PHF21B: variants seen among roughly 807,000 people sequenced by gnomAD.
The protein encoded by PHF21B is PHD finger protein 4.
Under a neutral mutation model 62.2 loss-of-function variants are expected in PHF21B, and 22 were observed. The observed-to-expected ratio is 0.35, with a 90% CI of 0.25 to 0.51. PHF21B has a LOEUF of 0.51. Ranked by LOEUF, PHF21B falls within the 20% of genes least tolerant of loss-of-function variation. PHF21B has a pLI of 0.97. For missense variants in PHF21B, 701 were observed against 707.9 expected (o/e 0.99, Z 0.11); for synonymous variants, 341 against 314.7 (o/e 1.08, Z -0.88).
At chr22:44,994,484 G>A (rs533903597) in intron 2 of PHF21B, among the ~76,000 whole-genome samples, 41 of 152,378 alleles carry the variant, frequency 2.7e-4, no homozygotes, top group Middle Eastern at 6.8e-3. Context: ...TCCGGAGGGA[G>A]TGCGGCCCTG....
intron 4 of PHF21B, among the ~76,000 whole-genome samples, chr22:44,914,436 T>C (rs1274824938): frequency 6.6e-6 from 1 of 152,134 alleles, no homozygotes; most frequent in Non-Finnish European, 1.5e-5. Context: ...TGGCCACACC[T>C]CTCCCCAGGG....
intron 6 of PHF21B, among the ~76,000 whole-genome samples, chr22:44,894,581 C>T (rs1163372832): frequency 6.6e-6 from 1 of 152,202 alleles, no homozygotes; most frequent in East Asian, 1.9e-4. Flanking sequence ...AAGCTCACAC[C>T]ATCAGGCGGG....
intron 2 of PHF21B, among the ~76,000 whole-genome samples, chr22:44,962,689 C>A (rs943128276): frequency 1.3e-5 from 2 of 152,192 alleles, no homozygotes; most frequent in African/African-American, 4.8e-5. Flanking sequence ...CAAGCTGGGT[C>A]CCATATAACC....
chr22:44,902,258 G>A lies in PHF21B; in HGVS notation c.832-6175C>T, dbSNP rs114537321. On this transcript the variant is annotated intron_variant, in intron 5 of 12. Coordinates refer to ENST00000313237, the MANE Select transcript of PHF21B (RefSeq NM_138415.5). ...CAGACACCAGAAAGGTGAGCTCTTCGACACACAAACAGAGAAGTACAAGAT... is the reference window on the plus strand; with the variant it reads ...CAGACACCAGAAAGGTGAGCTCTTCAACACACAAACAGAGAAGTACAAGAT... The A allele has an allele frequency of 3.4e-3, 793 of 231,018 alleles. 5 individuals carry two copies. The highest frequency in any genetic ancestry group is 0.016 in the African/African-American group (708 of 43,104). 14.3% of individuals were successfully genotyped at this position (231,018 alleles called of 1,614,324 possible).
intron 3 of PHF21B, 50 bp from the exon 4 acceptor site, chr22:44,916,680 G>GCAGACACA: frequency 6.5e-7 from 1 of 1,548,086 alleles, no homozygotes; most frequent in Non-Finnish European, 8.8e-7. Flanking sequence ...ACACAGGAGT[G>GCAGACACA]CAGGGGAGGG....
chr22:44,917,214 C>A (rs559825109), intron 3 of PHF21B, among the ~76,000 whole-genome samples: 1 of 152,234 alleles, frequency 6.6e-6, no homozygotes, highest in Non-Finnish European at 1.5e-5. Flanking sequence ...GGGCTCTGGA[C>A]AGACTGTTGG....
At chr22:44,914,156 A>C in intron 4 of PHF21B, 68 bp from the exon 5 acceptor site, 5 of 548,122 alleles carry the variant, frequency 9.1e-6, no homozygotes, top group Non-Finnish European at 9.9e-6. Context: ...GGTAGCTGGT[A>C]TGGCACAGGG....
In PHF21B at chr22:45,008,920, G is replaced by C. The variant is rs561054860; in HGVS notation, c.55-310C>G. On this transcript the variant is annotated intron_variant, in intron 1 of 12. Transcript: ENST00000313237. ...TGTGCGAGTGAGTGTGAGTGTGAGT[G>C]TGTGCCGGGGGAGGGGGGAGGAACA... The C allele has an allele frequency of 1.0e-3, 1,173 of 1,136,552 alleles. 14 individuals carry two copies. In the African/African-American group the frequency reaches 0.018, roughly 17 times the overall value. 70.4% of individuals were successfully genotyped at this position (1,136,552 alleles called of 1,614,324 possible).
In PHF21B at chr22:44,976,596, AAGTTGC is replaced by A. The variant is rs1601668561; in HGVS notation, c.120+31943_120+31948del. ...TCCGTCTTGTTTCTGCAAGTTATAC[AAGTTGC>A]AGCCTCTGGGGAGCTGGAAGTGTCC... On this transcript the variant is annotated intron_variant, in intron 2 of 12. Transcript: ENST00000313237. 5.9e-5 allele frequency among the ~76,000 whole-genome samples: 9 copies of A among 152,322 alleles called. 1 individual carries two copies.
chr22:44,884,254 TCATCACTACCACCATCACCACCAC>T, intron 12 of PHF21B, among the ~76,000 whole-genome samples: 1 of 134,746 alleles, frequency 7.4e-6, no homozygotes, highest in Non-Finnish European at 1.6e-5. Context: ...ATCACCACCA[TCATCACTACCACCATCACCACCAC>T]CATGATCACC....
At chr22:44,946,705 T>C (rs1228244197) in intron 2 of PHF21B, among the ~76,000 whole-genome samples, 1 of 152,100 alleles carries the variant, frequency 6.6e-6, no homozygotes, top group Non-Finnish European at 1.5e-5. Flanking sequence ...TCCTGCCTCA[T>C]GTTCCATCTC....
chr22:45,007,448 G>A (rs552757935), intron 2 of PHF21B, among the ~76,000 whole-genome samples: 18 of 148,276 alleles, frequency 1.2e-4, no homozygotes, highest in Non-Finnish European at 2.5e-4. Flanking sequence ...CCCGGGCGGG[G>A]GCGCGCGGGG....
Position 44,881,284 on chromosome 22 carries a change from A to G in PHF21B, c.*1802T>C, listed in dbSNP as rs1601554039. ...GACGGTCCTCCTTGGTCCAAAAAAA[A>G]CCTAACAATCTCAAGACACATCGGC... is the stretch of plus-strand genomic sequence containing the variant. On this transcript the variant is annotated 3_prime_UTR_variant, in exon 13 of 13. Transcript: ENST00000313237. 2 of 152,642 alleles carry G rather than the reference A, an allele frequency of 1.3e-5. No homozygotes were observed. Among genetic ancestry groups the G allele is most frequent in the African/African-American group, 4.8e-5 (2 of 41,432 alleles). 9.5% of individuals were successfully genotyped at this position (152,642 alleles called of 1,614,324 possible). A position where few individuals can be genotyped will look rare whatever the true frequency, so the allele number is the denominator to read the frequency against.
At chr22:45,007,027 G>A (rs1227239372) in intron 2 of PHF21B, among the ~76,000 whole-genome samples, 1 of 151,968 alleles carries the variant, frequency 6.6e-6, no homozygotes, top group Non-Finnish European at 1.5e-5. Context: ...CCCCGACTTC[G>A]CCGGGGCCGC....
intron 2 of PHF21B, among the ~76,000 whole-genome samples, chr22:44,943,048 T>C (rs2071992654): frequency 7.2e-6 from 1 of 139,396 alleles, no homozygotes; most frequent in Non-Finnish European, 1.5e-5. Context: ...GCACACAAAG[T>C]AGATGGAAGA....
Position 44,916,606 on chromosome 22 carries a change from C to G in PHF21B, c.238G>C (p.Asp80His), listed in dbSNP as rs775048360. The G allele has an allele frequency of 1.2e-6, 2 of 1,602,680 alleles. No individual in the cohort carries two copies. Among genetic ancestry groups the G allele is most frequent in the African/African-American group, 2.7e-5 (2 of 74,902 alleles). Residue 80 changes from aspartate to histidine, a missense_variant, in exon 4 of 13, where the codon GAC becomes CAC. Coordinates refer to ENST00000313237, the MANE Select transcript of PHF21B (RefSeq NM_138415.5). ...PQVRPKTLIPDSLPVAPGRDR... is the reference protein window; with the variant it reads ...PQVRPKTLIPHSLPVAPGRDR... ...CGGCCCGGGGCAACGGGGAGGCTGTCTGGAATCAGAGTCTTTGGCCTAACC... is the reference window on the plus strand; with the variant it reads ...CGGCCCGGGGCAACGGGGAGGCTGTGTGGAATCAGAGTCTTTGGCCTAACC...
At chr22:44,971,357 A>AAGC (rs1390861152) in intron 2 of PHF21B, 2 of 152,104 alleles carry the variant, frequency 1.3e-5, no homozygotes, top group African/African-American at 4.8e-5. Context: ...TCAGATGATA[A>AAGC]AGCATTGGTG....
At chr22:44,916,013 A>T (rs1448224543) in intron 4 of PHF21B, among the ~76,000 whole-genome samples, 1 of 152,214 alleles carries the variant, frequency 6.6e-6, no homozygotes, top group Non-Finnish European at 1.5e-5. Flanking sequence ...TTCCACTGGT[A>T]TTAATTCATG....
At chr22:44,915,068 G>C (rs1386229715) in intron 4 of PHF21B, among the ~76,000 whole-genome samples, 1 of 152,122 alleles carries the variant, frequency 6.6e-6, no homozygotes, top group African/African-American at 2.4e-5. Flanking sequence ...TGAATTTGAG[G>C]CTTCTGAGCA....
Sources: gnomAD v4.1 joint callset for allele counts (sites outside exome capture counted in the v4.1 genomes callset) on GRCh38, gnomAD v4.1.1 for gene constraint, MANE v1.5 for transcripts, NCBI Gene and HGNC (gene_info 2026-07-23, HGNC 2026-07-21) for gene names.